Variants in RAB6A observed in about 807,000 individuals in gnomAD.
The protein encoded by RAB6A is RAB6A, member RAS oncogene family.
Under a neutral mutation model 32.3 loss-of-function variants are expected in RAB6A, and 8 were observed. That is an observed-to-expected ratio of 0.25 (90% CI 0.15 to 0.45). The LOEUF is 0.45. Among genes scored for constraint, RAB6A ranks in the 20% least tolerant of loss-of-function variants. RAB6A has a pLI of 1.00. For synonymous variants in RAB6A, 73 were observed against 82.1 expected, an observed-to-expected ratio of 0.89 and a Z score of 0.60; for missense variants, 104 against 249.4, an observed-to-expected ratio of 0.42 and a Z score of 3.93.
At chr11:73,688,482 C>G (rs1378286585) in intron 6 of RAB6A, among the ~76,000 whole-genome samples, 3 of 152,134 alleles carry the variant, frequency 2.0e-5, no homozygotes, top group Non-Finnish European at 4.4e-5. Context: ...ATGAATTAGT[C>G]TCTGTGTCCA....
At chr11:73,701,898 G>A (rs1286137935) in intron 6 of RAB6A, among the ~76,000 whole-genome samples, 2 of 152,036 alleles carry the variant, frequency 1.3e-5, no homozygotes, top group African/African-American at 2.4e-5. Context: ...CCTTGCCTTG[G>A]CCTCCCAAAA....
intron 2 of RAB6A, 77 bp from the exon 3 acceptor site, chr11:73,720,976 T>C: frequency 3.0e-6 from 3 of 1,015,318 alleles, no homozygotes; most frequent in Admixed American, 1.9e-5. Flanking sequence ...ATGGGATTCA[T>C]GATTGTGGAA....
At chr11:73,722,941 G>C (rs1946164004) in intron 2 of RAB6A, among the ~76,000 whole-genome samples, 1 of 151,932 alleles carries the variant, frequency 6.6e-6, no homozygotes. Context: ...CAAGTAGCTG[G>C]GATTACAGGC....
chr11:73,725,668 T>C (rs1946205894), intron 2 of RAB6A, among the ~76,000 whole-genome samples: 1 of 152,124 alleles, frequency 6.6e-6, no homozygotes, highest in Non-Finnish European at 1.5e-5. Context: ...CCACCCCCAA[T>C]GATTCAATTA....
At chr11:73,757,701 C>T (rs890038114) in intron 1 of RAB6A, among the ~76,000 whole-genome samples, 2 of 152,134 alleles carry the variant, frequency 1.3e-5, no homozygotes, top group Non-Finnish European at 2.9e-5. Context: ...GGTTTCTCTA[C>T]CCCCTTAAGT....
Position 73,748,052 on chromosome 11 carries a change from T to C in RAB6A, c.70+12514A>G, listed in dbSNP as rs116162224. On this transcript the variant is annotated intron_variant, in intron 1 of 7. Transcript: ENST00000336083. ...CTTTGAGATGATGCAAACATTGTGT[T>C]CTCAAACTTTTGCCCACCAATTTTA... Among the ~76,000 whole-genome samples, 1,287 of 152,330 alleles carry C rather than the reference T, an allele frequency of 8.4e-3. 18 individuals carry two copies. The highest frequency in any genetic ancestry group is 0.029 in the African/African-American group (1,202 of 41,570).
At position 73,701,272 on chromosome 11, in the gene RAB6A, C is replaced by T. The variant is rs550894400; in HGVS notation, c.495+6148G>A. On this transcript the variant is annotated intron_variant, in intron 6 of 7. Coordinates refer to ENST00000336083, the MANE Select transcript of RAB6A (RefSeq NM_198896.2). ...ATGATTTTGTCAAATAAAATGAGTA[C>T]AATCAAAAATCAAAAATAGTTCTGC... Among the ~76,000 whole-genome samples, 4 of 152,084 alleles carry T rather than the reference C, an allele frequency of 2.6e-5. No homozygotes were observed. The South Asian group carries it at 6.2e-4, about 24-fold the overall frequency.
chr11:73,721,934 T>G (rs1376325871), intron 2 of RAB6A, among the ~76,000 whole-genome samples: 5 of 152,100 alleles, frequency 3.3e-5, no homozygotes, highest in Non-Finnish European at 7.4e-5. Flanking sequence ...ATTTTGTGTG[T>G]GTCATAGTTG....
intron 6 of RAB6A, among the ~76,000 whole-genome samples, chr11:73,691,876 G>A (rs1393565961): frequency 1.9e-4 from 29 of 152,132 alleles, no homozygotes; most frequent in Admixed American, 1.9e-3. Flanking sequence ...GGGAGGCTGA[G>A]GCAGGAGAAG....
chr11:73,683,599 C>T (rs1945393619), intron 6 of RAB6A, among the ~76,000 whole-genome samples: 1 of 151,744 alleles, frequency 6.6e-6, no homozygotes, highest in Non-Finnish European at 1.5e-5. Context: ...GTCACCTAGG[C>T]TGGAGTGCAG....
chr11:73,722,101 C>T (rs1946141665), intron 2 of RAB6A, among the ~76,000 whole-genome samples: 1 of 141,696 alleles, frequency 7.1e-6, no homozygotes, highest in Non-Finnish European at 1.6e-5. Context: ...GAACTTGAGT[C>T]TATTAAACCT....
At chr11:73,690,224 T>C (rs1945528973) in intron 6 of RAB6A, among the ~76,000 whole-genome samples, 1 of 152,226 alleles carries the variant, frequency 6.6e-6, no homozygotes, top group Admixed American at 6.5e-5. Context: ...GGGATACAGT[T>C]GTGAAGTTCA....
Position 73,676,806 on chromosome 11 carries a change from G to C in RAB6A, c.*1092C>G, listed in dbSNP as rs1361406447. On this transcript the variant is annotated 3_prime_UTR_variant, in exon 8 of 8. Coordinates refer to ENST00000336083, the MANE Select transcript of RAB6A (RefSeq NM_198896.2). ...CAAAGTTTTTGTTATTCTGCTGAGG[G>C]TTCTTTTGTTGGTAAGCTTTAGACA... The C allele has an allele frequency of 1.2e-5, 2 of 167,012 alleles. No homozygotes were observed. Among genetic ancestry groups the C allele is most frequent in the Admixed American group, 6.6e-5 (1 of 15,264 alleles). The allele number at this position is 167,012 out of a possible 1,614,324, so 10.3% of individuals were successfully genotyped here.
At chr11:73,757,102 T>TAC (rs1565383742) in intron 1 of RAB6A, among the ~76,000 whole-genome samples, 21 of 28,412 alleles carry the variant, frequency 7.4e-4, no homozygotes, top group Middle Eastern at 0.022. Flanking sequence ...TACATACATA[T>TAC]ATATATATAT....
At chr11:73,697,014 A>C (rs1259211900) in intron 6 of RAB6A, among the ~76,000 whole-genome samples, 1 of 152,170 alleles carries the variant, frequency 6.6e-6, no homozygotes, top group Non-Finnish European at 1.5e-5. Context: ...CATGGTCTTA[A>C]GGCCTCTGTT....
At position 73,760,867 on chromosome 11, in the gene RAB6A, G is replaced by A. The variant is rs966902752; in HGVS notation, c.-232C>T. ...ACCGAGCGAGGCCCGCGGCTGGGAA[G>A]GGAAGGAGGGCGGTGTCGGCAGGAG... On this transcript the variant is annotated 5_prime_UTR_variant, in exon 1 of 8. Coordinates refer to ENST00000336083, the MANE Select transcript of RAB6A (RefSeq NM_198896.2). The A allele has an allele frequency of 1.9e-6, 1 of 523,270 alleles. No homozygotes were observed. The highest frequency in any genetic ancestry group is 3.4e-6 in the Non-Finnish European group (1 of 295,592). The allele number at this position is 523,270 out of a possible 1,614,324, so 32.4% of individuals were successfully genotyped here. A position where few individuals can be genotyped will look rare whatever the true frequency, so the allele number is the denominator to read the frequency against.
intron 6 of RAB6A, among the ~76,000 whole-genome samples, chr11:73,694,662 C>CA (rs1740161543): frequency 6.6e-6 from 1 of 152,130 alleles, no homozygotes; most frequent in South Asian, 2.1e-4. Context: ...CACTTGGGCC[C>CA]AGAAGTTCGA....
intron 6 of RAB6A, among the ~76,000 whole-genome samples, chr11:73,683,543 C>G (rs1449513627): frequency 6.6e-6 from 1 of 151,834 alleles, no homozygotes; most frequent in Non-Finnish European, 1.5e-5. Context: ...CAGGCATGCA[C>G]CACCGCACCT....
chr11:73,702,631 T>C (rs923836254), intron 6 of RAB6A, among the ~76,000 whole-genome samples: 1 of 152,156 alleles, frequency 6.6e-6, no homozygotes, highest in Non-Finnish European at 1.5e-5. Context: ...GACTGAAATA[T>C]TACAGAGTGT....
Sources: allele counts gnomAD v4.1 joint callset (sites outside exome capture counted in the v4.1 genomes callset), GRCh38; gene constraint gnomAD v4.1.1; transcripts MANE v1.5; gene names NCBI Gene and HGNC (gene_info 2026-07-23, HGNC 2026-07-21).